IL15RA: variants seen among roughly 807,000 people sequenced by gnomAD.
IL15RA encodes interleukin 15 receptor subunit alpha, also known as interleukin-15 receptor subunit alpha.
Under a neutral mutation model 24.2 loss-of-function variants are expected in IL15RA, and 26 were observed. The observed-to-expected ratio is 1.07, with a 90% CI of 0.79 to 1.49. The LOEUF (loss-of-function observed/expected upper bound fraction) is 1.49. Among genes scored for constraint, IL15RA ranks in the 40% most tolerant of loss-of-function variants. The pLI, the probability that IL15RA is intolerant of heterozygous loss-of-function variation, is 0.00. For synonymous variants in IL15RA, 166 were observed against 157.6 expected (o/e 1.05, Z -0.40); for missense variants, 354 against 356.4 (o/e 0.99, Z 0.05).
chr10:5,977,445 C>A lies in IL15RA; in HGVS notation c.48G>T (p.Ala16=). 1 of 1,365,746 alleles carries A rather than the reference C, an allele frequency of 7.3e-7. No homozygotes were observed. The highest frequency in any genetic ancestry group is 9.4e-7 in the Non-Finnish European group (1 of 1,061,724). 84.6% of individuals were successfully genotyped at this position (1,365,746 alleles called of 1,614,324 possible). ...ARGCRTLGLP[A]LLLLLLLRPP... ...GCCGGAGCAGCAGCAGCAGTAGCAGCGCCGGGAGACCGAGGGTCCGGCAGC... is the reference window on the plus strand; with the variant it reads ...GCCGGAGCAGCAGCAGCAGTAGCAGAGCCGGGAGACCGAGGGTCCGGCAGC... Residue 16 remains alanine, a synonymous_variant, in exon 1 of 7, where the codon GCG becomes GCT. Transcript: ENST00000379977.
chr10:5,977,092 C>T (rs1838576465), intron 1 of IL15RA: 1 of 268,626 alleles, frequency 3.7e-6, no homozygotes. Context: ...CGGCTCCGCG[C>T]TCCCGTGGCC....
Position 5,953,159 on chromosome 10 carries a change from A to G in IL15RA, c.740T>C (p.Leu247Pro). 1 of 1,614,260 alleles carries G rather than the reference A, an allele frequency of 6.2e-7. No individual in the cohort carries two copies. The highest frequency in any genetic ancestry group is 8.5e-7 in the Non-Finnish European group (1 of 1,180,028). Residue 247 changes from leucine to proline, a missense_variant, in exon 7 of 7, where the codon CTG (leucine) becomes CCG (proline). By Grantham distance (98) the Leu-to-Pro change is moderately conservative (BLOSUM62 -3). Transcript: ENST00000379977. The surrounding 1 kb of genome is among the most constrained non-coding windows in gnomAD (Gnocchi z 5.3). ...ASVEMEAMEA[L>P]PVTWGTSSRD... ...GCTGCTGGTCCCCCAAGTCACCGGC[A>G]GAGCCTCCATGGCTTCCATTTCAAC... is the stretch of plus-strand genomic sequence containing the variant.
At position 5,971,633 on chromosome 10, in the gene IL15RA, G is replaced by C. The variant is rs1452745983; in HGVS notation, c.89-5294C>G. 2.6e-5 allele frequency among the ~76,000 whole-genome samples: 4 copies of C among 152,230 alleles called. No individual in the cohort carries two copies. The highest frequency in any genetic ancestry group is 9.6e-5 in the African/African-American group (4 of 41,462). ...AGGATTCAGAGATGTGTCAGATATGGTTCCTGCCCTCAGGATGCTCACTGT... is the reference window on the plus strand; with the variant it reads ...AGGATTCAGAGATGTGTCAGATATGCTTCCTGCCCTCAGGATGCTCACTGT... On this transcript the variant is annotated intron_variant, in intron 1 of 6. Coordinates refer to ENST00000379977, the MANE Select transcript of IL15RA (RefSeq NM_002189.4). This position sits in a 1 kb window ranked among gnomAD's most constrained non-coding sequence, Gnocchi z 5.5.
Position 5,958,380 on chromosome 10 carries a change from G to T in IL15RA, c.616+1374C>A. ...CAAGGGGATTTTTGAGTTAGAAATG[G>T]GATTTGCTTTTCGTCTTTTTTTTGA... On this transcript the variant is annotated intron_variant, in intron 5 of 6. Coordinates refer to ENST00000379977, the MANE Select transcript of IL15RA (RefSeq NM_002189.4). The surrounding 1 kb of genome is among the most constrained non-coding windows in gnomAD (Gnocchi z 4.3). 2.3e-6 allele frequency: 1 copy of T among 440,120 alleles called. No individual in the cohort carries two copies. The highest frequency in any genetic ancestry group is 1.6e-5 in the South Asian group (1 of 62,752). 27.3% of individuals were successfully genotyped at this position (440,120 alleles called of 1,614,324 possible). A position where few individuals can be genotyped will look rare whatever the true frequency, so the allele number is the denominator to read the frequency against.
rs190193246 is a variant in IL15RA at position 5,961,490 on chromosome 10, G to A, written c.383-923C>T. Among the ~76,000 whole-genome samples, 15 of 152,334 alleles carry A rather than the reference G, an allele frequency of 9.8e-5. No homozygotes were observed. The highest frequency in any genetic ancestry group is 3.4e-3 in the Middle Eastern group (1 of 294). On this transcript the variant is annotated intron_variant, in intron 3 of 6. Transcript: ENST00000379977. The surrounding 1 kb of genome is among the most constrained non-coding windows in gnomAD (Gnocchi z 5.2). ...GTTTACTAGAGAAGGCAGGCCCAAC[G>A]CTGGAGGCTCAGCTGAGAGCAGGTG...
chr10:5,969,272 T>G (rs2132597754), intron 1 of IL15RA, among the ~76,000 whole-genome samples: 1 of 150,224 alleles, frequency 6.7e-6, no homozygotes, highest in South Asian at 2.1e-4. Context: ...TAAATTTAAT[T>G]AAAATTTTAT....
rs536604897 is a variant in IL15RA, at chr10:5,958,229, C to A, written c.616+1525G>T. 1.7e-4 allele frequency: 65 copies of A among 388,756 alleles called. No homozygotes were observed. In the East Asian group the frequency reaches 5.4e-3, roughly 32 times the overall value. The allele number at this position is 388,756 out of a possible 1,614,324, so 24.1% of individuals were successfully genotyped here. A position where few individuals can be genotyped will look rare whatever the true frequency, so the allele number is the denominator to read the frequency against. On this transcript the variant is annotated intron_variant, in intron 5 of 6. Transcript: ENST00000379977. The surrounding 1 kb of genome is among the most constrained non-coding windows in gnomAD (Gnocchi z 4.3). ...TACAAGGTATACCAGCAAGTGGAAA[C>A]AAACATGGTACAGAAAAGGAGAAAA...
intron 6 of IL15RA, among the ~76,000 whole-genome samples, chr10:5,956,108 G>A (rs540006002): frequency 7.2e-5 from 11 of 152,024 alleles, no homozygotes; most frequent in Non-Finnish European, 1.3e-4. Flanking sequence ...TCCGCCTCCC[G>A]GGTTCAAGCG....
Position 5,965,484 on chromosome 10 carries a change from C to T in IL15RA, c.283+661G>A, listed in dbSNP as rs1836358830. ...AGCATCGTCTCAAATCAAAGCACTA[C>T]ATGTAATAAGAGTTAATATTTACCA... On this transcript the variant is annotated intron_variant, in intron 2 of 6. Transcript: ENST00000379977. This position sits in a 1 kb window ranked among gnomAD's most constrained non-coding sequence, Gnocchi z 5.8. Among the ~76,000 whole-genome samples, 1 of 152,258 alleles carries T rather than the reference C, an allele frequency of 6.6e-6. No homozygotes were observed. The highest frequency in any genetic ancestry group is 6.5e-5 in the Admixed American group (1 of 15,286).
chr10:5,974,242 T>C (rs1172782814), intron 1 of IL15RA, among the ~76,000 whole-genome samples: 2 of 152,184 alleles, frequency 1.3e-5, no homozygotes, highest in African/African-American at 4.8e-5. Flanking sequence ...TCAAGTGATC[T>C]GCCCGCGTTG....
intron 1 of IL15RA, among the ~76,000 whole-genome samples, chr10:5,974,567 G>C (rs1325423914): frequency 6.6e-6 from 1 of 152,094 alleles, no homozygotes; most frequent in African/African-American, 2.4e-5. Flanking sequence ...AAATGGTTTA[G>C]CAGTTTCTTT....
At position 5,963,041 on chromosome 10, in the gene IL15RA, T is replaced by C. The variant is rs947446073; in HGVS notation, c.382+702A>G. 1.3e-5 allele frequency among the ~76,000 whole-genome samples: 2 copies of C among 152,226 alleles called. No homozygotes were observed. The highest frequency in any genetic ancestry group is 2.1e-4 in the South Asian group (1 of 4,830). On this transcript the variant is annotated intron_variant, in intron 3 of 6. Transcript: ENST00000379977. This position sits in a 1 kb window ranked among gnomAD's most constrained non-coding sequence, Gnocchi z 5.3. Reference sequence around the variant, plus strand: ...ACTGGGATGTGCTGGTGTTTAGGTCTGGTGGGGGCAGCTCTCCACAGGTCT... The same window carrying C: ...ACTGGGATGTGCTGGTGTTTAGGTCCGGTGGGGGCAGCTCTCCACAGGTCT...
rs538240865 is a variant in IL15RA, at chr10:5,961,539, C to A, written c.383-972G>T. Among the ~76,000 whole-genome samples the A allele has an allele frequency of 2.0e-5, 3 of 152,240 alleles. No individual in the cohort carries two copies. The highest frequency in any genetic ancestry group is 1.3e-4 in the Admixed American group (2 of 15,284). On this transcript the variant is annotated intron_variant, in intron 3 of 6. Coordinates refer to ENST00000379977, the MANE Select transcript of IL15RA (RefSeq NM_002189.4). This position sits in a 1 kb window ranked among gnomAD's most constrained non-coding sequence, Gnocchi z 5.2. ...TGAAGCTGCGCTGGCCGAGGACGCT[C>A]GGAGCGGCTGCGTGTGAAACACGGG...
In IL15RA at chr10:5,960,589, G is replaced by C; in HGVS notation, c.383-22C>G. ...GGCTCTGTAGGAGAGTCCAAGGCAG[G>C]GACAACATCAGTGTGCAGACTCCCC... On this transcript the variant is annotated intron_variant, in intron 3 of 6. Coordinates refer to ENST00000379977, the MANE Select transcript of IL15RA (RefSeq NM_002189.4). This position sits in a 1 kb window ranked among gnomAD's most constrained non-coding sequence, Gnocchi z 5.1. 6.2e-7 allele frequency: 1 copy of C among 1,607,740 alleles called. No individual in the cohort carries two copies. The highest frequency in any genetic ancestry group is 1.1e-5 in the South Asian group (1 of 90,716).
chr10:5,968,552 A>C lies in IL15RA; in HGVS notation c.89-2213T>G. 1.8e-6 allele frequency: 1 copy of C among 556,578 alleles called. No homozygotes were observed. 34.5% of individuals were successfully genotyped at this position (556,578 alleles called of 1,614,324 possible). ...CGTGAGAGATGGAGTCGATCTCACA[A>C]GTTGTTGAGGTGGATTTGGATGCTG... On this transcript the variant is annotated intron_variant, in intron 1 of 6. Coordinates refer to ENST00000379977, the MANE Select transcript of IL15RA (RefSeq NM_002189.4). This position sits in a 1 kb window ranked among gnomAD's most constrained non-coding sequence, Gnocchi z 5.4.
At position 5,958,290 on chromosome 10, in the gene IL15RA, T is replaced by C. The variant is rs1000018148; in HGVS notation, c.616+1464A>G. 2 of 454,136 alleles carry C rather than the reference T, an allele frequency of 4.4e-6. No individual in the cohort carries two copies. Among genetic ancestry groups the C allele is most frequent in the African/African-American group, 4.0e-5 (2 of 50,022 alleles). The allele number at this position is 454,136 out of a possible 1,614,324, so 28.1% of individuals were successfully genotyped here. A position where few individuals can be genotyped will look rare whatever the true frequency, so the allele number is the denominator to read the frequency against. On this transcript the variant is annotated intron_variant, in intron 5 of 6. Coordinates refer to ENST00000379977, the MANE Select transcript of IL15RA (RefSeq NM_002189.4). The surrounding 1 kb of genome is among the most constrained non-coding windows in gnomAD (Gnocchi z 4.3). ...TCCAGCATTCCTTATCCTCTATATG[T>C]TTATTTATACAGTCTCTCTGGAAGG... is the stretch of plus-strand genomic sequence containing the variant.
rs1834018828 is a variant in IL15RA, at chr10:5,953,030, TC to T, written c.*64del. 8 of 1,201,102 alleles carry T rather than the reference TC, an allele frequency of 6.7e-6. No homozygotes were observed. Among genetic ancestry groups the T allele is most frequent in the Non-Finnish European group, 9.9e-6 (8 of 809,784 alleles). The allele number at this position is 1,201,102 out of a possible 1,614,324, so 74.4% of individuals were successfully genotyped here. A position where few individuals can be genotyped will look rare whatever the true frequency, so the allele number is the denominator to read the frequency against. ...CCCGCTTCCTTGCACCTCTTCTCAGTCGTCTTTAGCTAAAGCAGAGAGGCTC... is the reference window on the plus strand; with the variant it reads ...CCCGCTTCCTTGCACCTCTTCTCAGTGTCTTTAGCTAAAGCAGAGAGGCTC... On this transcript the variant is annotated 3_prime_UTR_variant, in exon 7 of 7. Coordinates refer to ENST00000379977, the MANE Select transcript of IL15RA (RefSeq NM_002189.4). This position sits in a 1 kb window ranked among gnomAD's most constrained non-coding sequence, Gnocchi z 5.3.
chr10:5,951,571 A>T (rs1489095635), downstream of IL15RA, among the ~76,000 whole-genome samples: 1 of 152,208 alleles, frequency 6.6e-6, no homozygotes. Flanking sequence ...CACGCCTGTA[A>T]TCCCAGTACT....
At chr10:5,957,981 G>GA (rs1240327666) in intron 5 of IL15RA, among the ~76,000 whole-genome samples, 1 of 152,104 alleles carries the variant, frequency 6.6e-6, no homozygotes, top group African/African-American at 2.4e-5. Context: ...AATGTATATA[G>GA]AAAAAATGAC....
Sources: allele counts gnomAD v4.1 joint callset (sites outside exome capture counted in the v4.1 genomes callset), GRCh38; gene constraint gnomAD v4.1.1; non-coding constraint Gnocchi (gnomAD v3.1); transcripts MANE v1.5; gene names NCBI Gene and HGNC (gene_info 2026-07-23, HGNC 2026-07-21).